CCDC191: variants seen among roughly 807,000 people sequenced by gnomAD.
CCDC191 encodes the protein coiled-coil domain containing 191.
Under a neutral mutation model 114.0 loss-of-function variants are expected in CCDC191, and 99 were observed. The ratio of observed to expected loss-of-function variants is 0.87; its 90% CI spans 0.74 to 1.03. The LOEUF (loss-of-function observed/expected upper bound fraction) is 1.03, where lower values mean the gene tolerates loss of function less well. CCDC191 is among the 50% of genes least tolerant of loss of function. CCDC191 has a pLI of 0.00. For missense variants in CCDC191, 973 were observed against 1,087.0 expected, an observed-to-expected ratio of 0.90 and a Z score of 1.47; for synonymous variants, 351 against 376.0, an observed-to-expected ratio of 0.93 and a Z score of 0.77.
chr3:113,978,211 C>A lies in CCDC191; in HGVS notation c.2581G>T (p.Glu861Ter). 1 of 1,614,044 alleles carries A rather than the reference C, an allele frequency of 6.2e-7. No homozygotes were observed. Among genetic ancestry groups the A allele is most frequent in the Non-Finnish European group, 8.5e-7 (1 of 1,179,934 alleles). Residue 861 changes from glutamate to a stop codon, truncating the protein, a stop_gained, in exon 16 of 17, where the codon GAG (glutamate) becomes TAG (stop). Transcript: ENST00000295878. LOFTEE classifies it low-confidence loss of function (END_TRUNC). Reference protein sequence around the residue: ...EVKIDSQGKHEIAAEHSDRRI... With the variant: ...EVKIDSQGKH Reference sequence around the variant, plus strand: ...CTGTCACTGTGCTCCGCTGCAATCTCATGCTTGCCCTGAGAATCGATCTTC... The same window carrying A: ...CTGTCACTGTGCTCCGCTGCAATCTAATGCTTGCCCTGAGAATCGATCTTC...
intron 7 of CCDC191, among the ~76,000 whole-genome samples, chr3:114,026,347 AG>A (rs2076320466): frequency 1.3e-5 from 2 of 152,258 alleles, no homozygotes; most frequent in Admixed American, 1.3e-4. Context: ...AGCTACATAA[AG>A]TAAAATATAA....
chr3:114,044,528 T>A (rs965367632), intron 3 of CCDC191, among the ~76,000 whole-genome samples: 1 of 152,184 alleles, frequency 6.6e-6, no homozygotes, highest in African/African-American at 2.4e-5. Context: ...TTACATTAAA[T>A]GATGCCAAGA....
At chr3:114,016,838 A>AT (rs1457990755) in intron 8 of CCDC191, among the ~76,000 whole-genome samples, 1 of 152,160 alleles carries the variant, frequency 6.6e-6, no homozygotes, top group Non-Finnish European at 1.5e-5. Context: ...GTGTCCACTC[A>AT]TTTTATGCCT....
At chr3:114,032,017 T>C (rs1034125615) in intron 6 of CCDC191, among the ~76,000 whole-genome samples, 8 of 152,154 alleles carry the variant, frequency 5.3e-5, no homozygotes, top group Non-Finnish European at 1.2e-4. Flanking sequence ...GAAAGTCTTA[T>C]AGATACTTTA....
rs566550110 is a variant in CCDC191 at position 113,979,076 on chromosome 3, C to T, written c.2308-66G>A. ...TTAAATCATTTAAACAAACACATCACCTTTGGAAATGATGCTATAAAACAC... is the reference window on the plus strand; with the variant it reads ...TTAAATCATTTAAACAAACACATCATCTTTGGAAATGATGCTATAAAACAC... On this transcript the variant is annotated intron_variant, in intron 14 of 16. Transcript: ENST00000295878. 28 of 1,452,712 alleles carry T rather than the reference C, an allele frequency of 1.9e-5. 2 individuals carry two copies. The South Asian group carries it at 3.1e-4, about 16-fold the overall frequency. 90.0% of individuals were successfully genotyped at this position (1,452,712 alleles called of 1,614,324 possible).
rs368601845 is a variant in CCDC191 at position 114,011,003 on chromosome 3, A to T, written c.1182T>A (p.Thr394=). 2.5e-6 allele frequency: 4 copies of T among 1,612,124 alleles called. No homozygotes were observed. Among genetic ancestry groups the T allele is most frequent in the Non-Finnish European group, 3.4e-6 (4 of 1,178,832 alleles). ...REENRKQQLA[T]EYNRKQVLRH... ...GGAGAACTTGTTTCCGGTTATACTC[A>T]GTGGCCAGTTGTTGTTTTCTAAGCA... is the stretch of plus-strand genomic sequence containing the variant. The change falls in exon 9 of 17, where the codon ACT becomes ACA. Residue 394 remains threonine (T), a synonymous_variant. Transcript: ENST00000295878.
At chr3:114,007,577 A>G (rs1442910168) in intron 9 of CCDC191, among the ~76,000 whole-genome samples, 1 of 152,202 alleles carries the variant, frequency 6.6e-6, no homozygotes, top group African/African-American at 2.4e-5. Context: ...TTAACCTAGC[A>G]AGACTGTGTC....
At chr3:114,051,777 G>A (rs553108132) in intron 2 of CCDC191, among the ~76,000 whole-genome samples, 14 of 152,158 alleles carry the variant, frequency 9.2e-5, no homozygotes, top group African/African-American at 1.4e-4. Context: ...TGAAGTCTTC[G>A]GTCCAGAGGT....
At chr3:114,015,176 G>A (rs1484135957) in intron 8 of CCDC191, among the ~76,000 whole-genome samples, 1 of 152,046 alleles carries the variant, frequency 6.6e-6, no homozygotes, top group Non-Finnish European at 1.5e-5. Context: ...TGTCCCGGGA[G>A]GGATAACATA....
intron 11 of CCDC191, 50 bp from the exon 12 acceptor site, chr3:114,002,588 A>C (rs757116148): frequency 6.9e-7 from 1 of 1,443,678 alleles, no homozygotes; most frequent in South Asian, 1.3e-5. Context: ...AAAAAATATG[A>C]GGAATACTGC....
rs78804708 is a variant in CCDC191 at position 113,966,288 on chromosome 3, T to C, written c.2607-929A>G. 8.7e-3 allele frequency among the ~76,000 whole-genome samples: 1,323 copies of C among 152,234 alleles called. 31 individuals are homozygous for C. The highest frequency in any genetic ancestry group is 0.087 in the East Asian group (447 of 5,162). On this transcript the variant is annotated intron_variant, in intron 16 of 16. Transcript: ENST00000295878. Reference sequence around the variant, plus strand: ...TGGTATGGAAGACTGTTTAAGTGAGTGTCTGTGCTGTCACAGGGAAGCATG... The same window carrying C: ...TGGTATGGAAGACTGTTTAAGTGAGCGTCTGTGCTGTCACAGGGAAGCATG...
At chr3:113,979,613 G>C (rs1431948166) in intron 14 of CCDC191, among the ~76,000 whole-genome samples, 3 of 152,148 alleles carry the variant, frequency 2.0e-5, no homozygotes, top group African/African-American at 7.2e-5. Context: ...TCTTTTAAGA[G>C]GCAAGAGGGG....
At chr3:114,002,720 TA>T (rs2075878367) in intron 11 of CCDC191, 182 bp from the exon 12 acceptor site, 1 of 917,096 alleles carries the variant, frequency 1.1e-6, no homozygotes, top group Non-Finnish European at 1.3e-6. Flanking sequence ...CTCTACAGGT[TA>T]AAGACCTATT....
At chr3:113,997,051 G>C (rs1200634679) in intron 13 of CCDC191, among the ~76,000 whole-genome samples, 1 of 152,140 alleles carries the variant, frequency 6.6e-6, no homozygotes, top group Non-Finnish European at 1.5e-5. Context: ...TAAGGTTAAA[G>C]ATAAATGGAA....
At chr3:113,990,409 G>A (rs953934948) in intron 13 of CCDC191, among the ~76,000 whole-genome samples, 10 of 151,812 alleles carry the variant, frequency 6.6e-5, no homozygotes, top group African/African-American at 2.4e-4. Flanking sequence ...GAACTGAATA[G>A]CTCAATATCT....
In CCDC191 at chr3:113,976,915, T is replaced by TTAAAC. The variant is rs143438659; in HGVS notation, c.2606+1266_2606+1270dup. ...TCACTTATTGCTTATTTGTTTTAAT[T>TTAAAC]TAAACAAAACTATAATCAACTTGCT... is the stretch of plus-strand genomic sequence containing the variant. On this transcript the variant is annotated intron_variant, in intron 16 of 16. Coordinates refer to ENST00000295878, the MANE Select transcript of CCDC191 (RefSeq NM_020817.2). 5.1e-3 allele frequency among the ~76,000 whole-genome samples: 776 copies of TTAAAC among 152,340 alleles called. 7 individuals are homozygous for TTAAAC. The highest frequency in any genetic ancestry group is 0.018 in the African/African-American group (741 of 41,574).
At chr3:113,984,224 A>C (rs1321078589) in intron 13 of CCDC191, 1 of 120,412 alleles carries the variant, frequency 8.3e-6, no homozygotes, top group African/African-American at 3.0e-5. Context: ...TATCAACAGT[A>C]GGGTTTTTTT....
At chr3:114,001,253 T>C (rs2075850426) in intron 13 of CCDC191, among the ~76,000 whole-genome samples, 1 of 152,134 alleles carries the variant, frequency 6.6e-6, no homozygotes, top group African/African-American at 2.4e-5. Context: ...TAGTTGGGGA[T>C]GTAGAAATGA....
chr3:114,052,613 G>A (rs2076711353), intron 2 of CCDC191, among the ~76,000 whole-genome samples: 2 of 152,158 alleles, frequency 1.3e-5, no homozygotes, highest in African/African-American at 4.8e-5. Context: ...TCTCTCATGA[G>A]CTTTAGTAAG....
Sources: allele counts gnomAD v4.1 joint callset (sites outside exome capture counted in the v4.1 genomes callset), GRCh38; gene constraint gnomAD v4.1.1; transcripts MANE v1.5; gene names NCBI Gene and HGNC (gene_info 2026-07-23, HGNC 2026-07-21).